The following OR10G3 variants were observed in gnomAD, a reference collection of about 807,000 sequenced individuals.
OR10G3 encodes the protein olfactory receptor family 10 subfamily G member 3, also known as olfactory receptor 10G3.
A neutral mutation model predicts 13.4 loss-of-function variants in OR10G3; 8 were observed. The ratio of observed to expected loss-of-function variants is 0.60; its 90% CI spans 0.35 to 1.08. OR10G3 has a LOEUF of 1.08. Ranked by LOEUF, OR10G3 falls within the 50% of genes least tolerant of loss-of-function variation. The probability of loss-of-function intolerance (pLI) is 0.02; values close to 1 mark genes in which losing one functional copy is unlikely to be tolerated. For missense variants in OR10G3, 393 were observed against 386.6 expected, an observed-to-expected ratio of 1.02 and a Z score of -0.14; for synonymous variants, 142 against 156.1, an observed-to-expected ratio of 0.91 and a Z score of 0.67.
chr14:21,571,089 A>C (rs183764778), intron 1 of OR10G3, among the ~76,000 whole-genome samples: 31 of 152,348 alleles, frequency 2.0e-4, no homozygotes, highest in African/African-American at 7.2e-4. Context: ...TTTTGTACTT[A>C]GAGCACTTTT....
chr14:21,579,219 T>TATTTTTTA (rs1356590297), intron 1 of OR10G3, among the ~76,000 whole-genome samples: 3 of 144,924 alleles, frequency 2.1e-5, no homozygotes, highest in African/African-American at 7.5e-5. Flanking sequence ...TATTAGCCAC[T>TATTTTTTA]ATTTTTTAAT....
chr14:21,569,101 G>A lies in OR10G3; in HGVS notation c.*702C>T, dbSNP rs1294663652. The A allele has an allele frequency of 2.6e-5, 4 of 151,910 alleles. No individual in the cohort carries two copies. Among genetic ancestry groups the A allele is most frequent in the Non-Finnish European group, 5.9e-5 (4 of 68,118 alleles). The allele number at this position is 151,910 out of a possible 1,614,324, so 9.4% of individuals were successfully genotyped here. A position where few individuals can be genotyped will look rare whatever the true frequency, so the allele number is the denominator to read the frequency against. On this transcript the variant is annotated 3_prime_UTR_variant, in exon 2 of 2. Coordinates refer to ENST00000641040, the MANE Select transcript of OR10G3 (RefSeq NM_001005465.2). ...TAAGTATTCACTCACATGGTCACAAGGTCCCACAATAGGCCATCTGCAGGC... is the reference window on the plus strand; with the variant it reads ...TAAGTATTCACTCACATGGTCACAAAGTCCCACAATAGGCCATCTGCAGGC...
At position 21,569,786 on chromosome 14, in the gene OR10G3, G is replaced by GT; in HGVS notation, c.*16dup. On this transcript the variant is annotated 3_prime_UTR_variant, in exon 2 of 2. Coordinates refer to ENST00000641040, the MANE Select transcript of OR10G3 (RefSeq NM_001005465.2). ...AATTCTAATTGTGGCAGCTTCCCTA[G>GT]TGGGAGAAAGACACTTTCAAACCTC... The GT allele has an allele frequency of 1.3e-6, 2 of 1,595,292 alleles. No homozygotes were observed. The highest frequency in any genetic ancestry group is 1.7e-6 in the Non-Finnish European group (2 of 1,167,208).
intron 1 of OR10G3, among the ~76,000 whole-genome samples, chr14:21,571,273 G>C (rs1157763792): frequency 1.3e-5 from 2 of 152,142 alleles, no homozygotes; most frequent in Non-Finnish European, 2.9e-5. Flanking sequence ...AACTTACATA[G>C]AGTGGGGAAT....
chr14:21,570,071 G>T lies in OR10G3; in HGVS notation c.674C>A (p.Ala225Asp). Residue 225 changes from alanine (A) to aspartate (D), a missense_variant, in exon 2 of 2, where the codon GCC becomes GAC. Ala to Asp is a moderately radical substitution (Grantham distance 126). Coordinates refer to ENST00000641040, the MANE Select transcript of OR10G3 (RefSeq NM_001005465.2). ...ILLSYIQIIQ[A>D]ILRIHTADGR... The stretch of plus-strand genomic sequence containing the variant: ...ATCAGCTGTGTGGATTCTCAGGATG[G>T]CCTGAATGATCTGTATGTAGGAGAG... 6.2e-7 allele frequency: 1 copy of T among 1,614,222 alleles called. No homozygotes were observed.
intron 1 of OR10G3, among the ~76,000 whole-genome samples, chr14:21,573,070 A>G (rs1423350643): frequency 6.6e-6 from 1 of 152,230 alleles, no homozygotes; most frequent in East Asian, 1.9e-4. Flanking sequence ...AAGACCTGAA[A>G]TTGTAAAACT....
chr14:21,569,775 C>G lies in OR10G3; in HGVS notation c.*28G>C, dbSNP rs893645759. On this transcript the variant is annotated 3_prime_UTR_variant, in exon 2 of 2. Coordinates refer to ENST00000641040, the MANE Select transcript of OR10G3 (RefSeq NM_001005465.2). Reference sequence around the variant, plus strand: ...ACATTATAATAAATTCTAATTGTGGCAGCTTCCCTAGTGGGAGAAAGACAC... The same window carrying G: ...ACATTATAATAAATTCTAATTGTGGGAGCTTCCCTAGTGGGAGAAAGACAC... 1.3e-6 allele frequency: 2 copies of G among 1,564,422 alleles called. No homozygotes were observed. Among genetic ancestry groups the G allele is most frequent in the Non-Finnish European group, 1.7e-6 (2 of 1,147,398 alleles).
At chr14:21,575,231 G>A (rs1417199961) in intron 1 of OR10G3, among the ~76,000 whole-genome samples, 3 of 151,838 alleles carry the variant, frequency 2.0e-5, no homozygotes, top group Non-Finnish European at 2.9e-5. Context: ...ACAGGAGCCC[G>A]CCACCACACC....
intron 1 of OR10G3, among the ~76,000 whole-genome samples, chr14:21,571,410 C>T (rs1893067628): frequency 6.6e-6 from 1 of 152,110 alleles, no homozygotes; most frequent in African/African-American, 2.4e-5. Flanking sequence ...GCTGTAAGTA[C>T]ATAAATAAAG....
At position 21,579,802 on chromosome 14, in the gene OR10G3, C is replaced by A. The variant is rs1876851510; in HGVS notation, c.-34G>T. The A allele has an allele frequency of 6.6e-6, 1 of 152,192 alleles. No individual in the cohort carries two copies. The highest frequency in any genetic ancestry group is 1.5e-5 in the Non-Finnish European group (1 of 68,046). 9.4% of individuals were successfully genotyped at this position (152,192 alleles called of 1,614,324 possible). ...GGAACTCACCTGAAGGTGTCAGCATCCATCAAAAACTCTTCTTGCAGACGG... is the reference window on the plus strand; with the variant it reads ...GGAACTCACCTGAAGGTGTCAGCATACATCAAAAACTCTTCTTGCAGACGG... On this transcript the variant is annotated 5_prime_UTR_variant, in exon 1 of 2. Coordinates refer to ENST00000641040, the MANE Select transcript of OR10G3 (RefSeq NM_001005465.2).
intron 1 of OR10G3, among the ~76,000 whole-genome samples, chr14:21,576,001 C>T (rs1893125324): frequency 6.6e-6 from 1 of 152,160 alleles, no homozygotes; most frequent in Non-Finnish European, 1.5e-5. Context: ...CTCAAGTTCC[C>T]ACACAGGTTC....
chr14:21,569,146 G>T lies in OR10G3; in HGVS notation c.*657C>A, dbSNP rs1893034576. On this transcript the variant is annotated 3_prime_UTR_variant, in exon 2 of 2. Coordinates refer to ENST00000641040, the MANE Select transcript of OR10G3 (RefSeq NM_001005465.2). The stretch of plus-strand genomic sequence containing the variant: ...GCAGGCTGAGGAGCAAGGAGAGCCA[G>T]TCCAAGTTCCAAAACTGAAGAACTT... The T allele has an allele frequency of 6.6e-6, 1 of 152,418 alleles. No homozygotes were observed. 9.4% of individuals were successfully genotyped at this position (152,418 alleles called of 1,614,324 possible).
Position 21,570,734 on chromosome 14 carries a change from A to T in OR10G3, c.11T>A (p.Ile4Asn). 6.3e-7 allele frequency: 1 copy of T among 1,579,982 alleles called. No individual in the cohort carries two copies. The change falls in exon 2 of 2, where the codon ATC becomes AAC. Residue 4 changes from isoleucine to asparagine, a missense_variant. Physicochemically the swap from Ile to Asn is moderately radical, Grantham distance 149 (BLOSUM62 -3). Transcript: ENST00000641040. MER[I>N]NSTLLTAFIL... Reference sequence around the variant, plus strand: ...AAACGCAGTCAACAGTGTGCTGTTGATTCTTTCCATATCCCAGAGAATCTT... The same window carrying T: ...AAACGCAGTCAACAGTGTGCTGTTGTTTCTTTCCATATCCCAGAGAATCTT...
chr14:21,570,442 T>C lies in OR10G3; in HGVS notation c.303A>G (p.Gln101=). 1 of 1,613,760 alleles carries C rather than the reference T, an allele frequency of 6.2e-7. No individual in the cohort carries two copies. Among genetic ancestry groups the C allele is most frequent in the Non-Finnish European group, 8.5e-7 (1 of 1,179,932 alleles). ...TGCCCAGGAAGTGATAGAAATAGAG[T>C]TGAGCAACACAGCCACCAAATGGGA... ...KPIPFGGCVA[Q]LYFYHFLGST... is the part of the protein sequence containing the mutation. The change falls in exon 2 of 2, where the codon CAA becomes CAG. Residue 101 remains glutamine, a synonymous_variant. Transcript: ENST00000641040.
chr14:21,573,782 AGAG>A (rs1351586479), intron 1 of OR10G3, among the ~76,000 whole-genome samples: 1 of 152,156 alleles, frequency 6.6e-6, no homozygotes, highest in Non-Finnish European at 1.5e-5. Context: ...GATTGCTAAA[AGAG>A]CTTATTTTAA....
chr14:21,569,915 G>A lies in OR10G3; in HGVS notation c.830C>T (p.Pro277Leu), dbSNP rs757226270. The change falls in exon 2 of 2, where the codon CCC (proline) becomes CTC (leucine). Residue 277 changes from proline to leucine, a missense_variant. Physicochemically the swap from Pro to Leu is moderately conservative, Grantham distance 98. Transcript: ENST00000641040. ...SPLDGAAALV[P>L]TAITPFLNPL... ...GTTGAGGAAAGGAGTGATGGCCGTG[G>A]GGACTAGGGCAGCTGCCCCATCCAG... The A allele has an allele frequency of 2.5e-6, 4 of 1,613,564 alleles. No homozygotes were observed. The African/African-American group carries it at 4.0e-5, about 16-fold the overall frequency.
intron 1 of OR10G3, among the ~76,000 whole-genome samples, chr14:21,573,392 G>T (rs1893092969): frequency 6.6e-6 from 1 of 152,146 alleles, no homozygotes; most frequent in African/African-American, 2.4e-5. Flanking sequence ...CAAAGTTTCA[G>T]CTGGGTGCAG....
At chr14:21,579,065 G>A (rs1186409541) in intron 1 of OR10G3, among the ~76,000 whole-genome samples, 2 of 152,166 alleles carry the variant, frequency 1.3e-5, no homozygotes, top group Non-Finnish European at 2.9e-5. Flanking sequence ...AAAAAGAACA[G>A]AGCAAGGGTG....
intron 1 of OR10G3, among the ~76,000 whole-genome samples, chr14:21,572,736 C>T (rs1893085700): frequency 6.6e-6 from 1 of 151,568 alleles, no homozygotes; most frequent in African/African-American, 2.4e-5. Flanking sequence ...ATTAACTGAC[C>T]TTAAATGGAT....
Sources: gnomAD v4.1 joint callset for allele counts (sites outside exome capture counted in the v4.1 genomes callset) on GRCh38, gnomAD v4.1.1 for gene constraint, MANE v1.5 for transcripts, NCBI Gene and HGNC (gene_info 2026-07-23, HGNC 2026-07-21) for gene names.